OR1J2: variants seen among roughly 807,000 people sequenced by gnomAD.
OR1J2 encodes the protein olfactory receptor 1J2.
For synonymous variants in OR1J2, 142 were observed against 99.7 expected, an observed-to-expected ratio of 1.42 and a Z score of -2.52; for missense variants, 304 against 246.1, an observed-to-expected ratio of 1.24 and a Z score of -1.57.
the OR1J2 span, among the ~76,000 whole-genome samples, chr9:122,528,458 T>C: frequency 0.58 from 88,788 of 151,920 alleles, 27,928 homozygotes; most frequent in East Asian, 0.87. Flanking sequence ...ATTAGCCGGG[T>C]GTGGTGGCAT....
At chr9:122,451,983 A>G in the OR1J2 span, among the ~76,000 whole-genome samples, 3 of 152,060 alleles carry the variant, frequency 2.0e-5, no homozygotes, top group Admixed American at 6.6e-5. Flanking sequence ...GGTTCACGCC[A>G]TTCTCCTGCC....
At chr9:122,565,449 C>T in the OR1J2 span, among the ~76,000 whole-genome samples, 47,222 of 152,078 alleles carry the variant, frequency 0.31, 8,221 homozygotes, top group East Asian at 0.81. Context: ...ATGGCCATGG[C>T]GGCAGGGATG....
downstream of OR1J2, among the ~76,000 whole-genome samples, chr9:122,512,027 TGAG>T (rs746520117): frequency 6.6e-6 from 1 of 152,190 alleles, no homozygotes; most frequent in Admixed American, 6.5e-5. Context: ...ATCCCTTATT[TGAG>T]GAGATGTTTG....
At chr9:122,523,828 C>T in the OR1J2 span, among the ~76,000 whole-genome samples, 1 of 152,090 alleles carries the variant, frequency 6.6e-6, no homozygotes, top group Non-Finnish European at 1.5e-5. Context: ...AAGCAAAACC[C>T]CTAAATAGGC....
the OR1J2 span, among the ~76,000 whole-genome samples, chr9:122,541,884 G>A: frequency 6.6e-6 from 1 of 152,136 alleles, no homozygotes; most frequent in Non-Finnish European, 1.5e-5. Context: ...AATCTGAAGA[G>A]CACAGCTCAA....
At chr9:122,448,992 A>AC in the OR1J2 span, 1 of 147,112 alleles carries the variant, frequency 6.8e-6, no homozygotes, top group Non-Finnish European at 1.5e-5. Flanking sequence ...AAAAAAAAAA[A>AC]CAAGCGATAA....
At chr9:122,526,321 G>A in the OR1J2 span, 4 of 1,325,532 alleles carry the variant, frequency 3.0e-6, no homozygotes, top group African/African-American at 5.8e-5. Flanking sequence ...CTGACTCCAA[G>A]CCTATGTCTT....
At chr9:122,476,897 T>A in the OR1J2 span, 3 of 719,844 alleles carry the variant, frequency 4.2e-6, no homozygotes, top group South Asian at 1.7e-5. Context: ...TAGTAGAGAC[T>A]GGGTTTCGCC....
chr9:122,571,067 C>T, the OR1J2 span, among the ~76,000 whole-genome samples: 124 of 152,264 alleles, frequency 8.1e-4, no homozygotes, highest in African/African-American at 2.7e-3. Flanking sequence ...CTATGTTTTC[C>T]TCACTCTGAT....
chr9:122,502,641 G>A, the OR1J2 span, among the ~76,000 whole-genome samples: 1 of 151,222 alleles, frequency 6.6e-6, no homozygotes, highest in Non-Finnish European at 1.5e-5. Flanking sequence ...ATGATAAGTT[G>A]TTAAGTAGGG....
the OR1J2 span, chr9:122,527,214 C>G: frequency 6.2e-7 from 1 of 1,613,912 alleles, no homozygotes; most frequent in African/African-American, 1.3e-5. Context: ...CAGGAAAATT[C>G]CGAAGAGGGA....
At chr9:122,469,338 G>A in the OR1J2 span, among the ~76,000 whole-genome samples, 3 of 152,214 alleles carry the variant, frequency 2.0e-5, no homozygotes, top group Non-Finnish European at 4.4e-5. Flanking sequence ...TAGTGAGTAA[G>A]TCTCATGAGA....
At chr9:122,514,348 G>T (rs980100748), downstream of OR1J2, among the ~76,000 whole-genome samples, 1 of 152,062 alleles carries the variant, frequency 6.6e-6, no homozygotes, top group Non-Finnish European at 1.5e-5. Flanking sequence ...CTAATGTTTA[G>T]CTCCCACTTA....
chr9:122,476,614 C>A, the OR1J2 span, among the ~76,000 whole-genome samples: 1 of 152,050 alleles, frequency 6.6e-6, no homozygotes, highest in African/African-American at 2.4e-5. Context: ...ATTTGTATTT[C>A]TGTATTATTG....
the OR1J2 span, among the ~76,000 whole-genome samples, chr9:122,448,591 A>G: frequency 2.0e-5 from 3 of 152,152 alleles, no homozygotes; most frequent in African/African-American, 7.2e-5. Context: ...GAAACCTTGG[A>G]CAATACCTGG....
downstream of OR1J2, among the ~76,000 whole-genome samples, chr9:122,516,594 C>T (rs1828703396): frequency 6.6e-6 from 1 of 152,220 alleles, no homozygotes; most frequent in South Asian, 2.1e-4. Flanking sequence ...TGAGCCACCG[C>T]GCCCGGCCCA....
chr9:122,523,392 G>A, the OR1J2 span, among the ~76,000 whole-genome samples: 1 of 152,122 alleles, frequency 6.6e-6, no homozygotes, highest in Non-Finnish European at 1.5e-5. Context: ...GGGCACCATT[G>A]GCTGGGGTGG....
chr9:122,464,727 T>C, the OR1J2 span, among the ~76,000 whole-genome samples: 4,141 of 152,300 alleles, frequency 0.027, 95 homozygotes, highest in East Asian at 0.07. Context: ...TAAGCTTCCA[T>C]GGATCATCTT....
At chr9:122,530,860 T>C in the OR1J2 span, among the ~76,000 whole-genome samples, 1 of 152,082 alleles carries the variant, frequency 6.6e-6, no homozygotes, top group East Asian at 1.9e-4. Flanking sequence ...TTTCACAAGA[T>C]AATGTCATCA....
Sources: gnomAD v4.1 joint callset for allele counts (sites outside exome capture counted in the v4.1 genomes callset) on GRCh38, gnomAD v4.1.1 for gene constraint, MANE v1.5 for transcripts, NCBI Gene and HGNC (gene_info 2026-07-23, HGNC 2026-07-21) for gene names.